The following DOCK3 variants were observed in gnomAD, a reference collection of about 807,000 sequenced individuals.
DOCK3 encodes dedicator of cytokinesis 3, also known as dedicator of cytokinesis protein 3.
DOCK3 carries 60 observed loss-of-function variants against 265.6 expected under a neutral mutation model. The observed-to-expected ratio is 0.23, with a 90% CI of 0.18 to 0.28. The LOEUF is 0.28. DOCK3 is among the 10% of genes least tolerant of loss of function. The pLI is 1.00. For missense variants in DOCK3, 1,981 were observed against 2,594.3 expected (o/e 0.76, Z 5.14); for synonymous variants, 881 against 938.0 (o/e 0.94, Z 1.11).
At chr3:50,720,029 C>G in intron 1 of DOCK3, 1 of 260,372 alleles carries the variant, frequency 3.8e-6, no homozygotes, top group South Asian at 5.3e-5. Flanking sequence ...TTCACTAATT[C>G]TGTGTTCTGC....
intron 2 of DOCK3, among the ~76,000 whole-genome samples, chr3:50,830,112 G>A (rs917830240): frequency 3.3e-5 from 5 of 152,094 alleles, no homozygotes; most frequent in African/African-American, 1.2e-4. Flanking sequence ...ACAAGTGATT[G>A]GCACATTGTT....
At chr3:51,240,158 T>G (rs2078543806) in intron 21 of DOCK3, among the ~76,000 whole-genome samples, 1 of 152,242 alleles carries the variant, frequency 6.6e-6, no homozygotes, top group African/African-American at 2.4e-5. Context: ...TTATTCTAAT[T>G]AGTTTCAAAG....
At chr3:51,154,881 G>A (rs543099282) in intron 10 of DOCK3, among the ~76,000 whole-genome samples, 12 of 152,318 alleles carry the variant, frequency 7.9e-5, no homozygotes, top group Admixed American at 3.3e-4. Flanking sequence ...TGCATGATGT[G>A]CTCTTGTTCT....
chr3:51,100,415 G>A (rs1314854138), intron 9 of DOCK3, among the ~76,000 whole-genome samples: 2 of 152,178 alleles, frequency 1.3e-5, no homozygotes, highest in Non-Finnish European at 2.9e-5. Context: ...ACCAAGAGAT[G>A]GAACCTGGGG....
chr3:50,874,040 G>GTGTTT (rs2047568833), intron 3 of DOCK3, among the ~76,000 whole-genome samples: 1 of 144,414 alleles, frequency 6.9e-6, no homozygotes, highest in East Asian at 2.1e-4. Context: ...TTTCATGAAG[G>GTGTTT]TGTTTTTTTT....
chr3:50,677,684 T>C (rs904791581), intron 1 of DOCK3, among the ~76,000 whole-genome samples: 1 of 152,202 alleles, frequency 6.6e-6, no homozygotes, highest in Non-Finnish European at 1.5e-5. Flanking sequence ...CTGATGTTAG[T>C]GAGGGAAGGA....
chr3:51,080,008 C>G (rs543183313), intron 7 of DOCK3, among the ~76,000 whole-genome samples: 1 of 152,316 alleles, frequency 6.6e-6, no homozygotes, highest in African/African-American at 2.4e-5. Context: ...AATGTTTATA[C>G]ATTCATTTCT....
At chr3:51,011,356 C>G (rs758804953) in intron 5 of DOCK3, among the ~76,000 whole-genome samples, 3 of 152,114 alleles carry the variant, frequency 2.0e-5, no homozygotes, top group African/African-American at 7.2e-5. Flanking sequence ...ATTCTCTTCT[C>G]GCTTCATTTC....
chr3:51,359,737 C>T lies in DOCK3; in HGVS notation c.4885-774C>T, dbSNP rs577139121. 6.6e-6 allele frequency among the ~76,000 whole-genome samples: 1 copy of T among 152,324 alleles called. No individual in the cohort carries two copies. The highest frequency in any genetic ancestry group is 2.4e-5 in the African/African-American group (1 of 41,570). ...TCCAGCTACAGAAATACATTTTAGC[C>T]CTCTGTATGCTTTGGAAGAAGCAGG... On this transcript the variant is annotated intron_variant, in intron 46 of 52. Transcript: ENST00000266037. The surrounding 1 kb of genome is among the most constrained non-coding windows in gnomAD (Gnocchi z 4.8).
intron 17 of DOCK3, among the ~76,000 whole-genome samples, chr3:51,228,378 C>T (rs1157089275): frequency 6.6e-6 from 1 of 152,218 alleles, no homozygotes; most frequent in Non-Finnish European, 1.5e-5. Context: ...CATTCTTAGA[C>T]CTGCTATTTG....
At chr3:51,303,846 A>G (rs558298797) in intron 27 of DOCK3, among the ~76,000 whole-genome samples, 1 of 152,182 alleles carries the variant, frequency 6.6e-6, no homozygotes, top group African/African-American at 2.4e-5. Context: ...ATGCTCCTAT[A>G]TAAGGTGTCT....
intron 4 of DOCK3, among the ~76,000 whole-genome samples, chr3:50,910,276 C>T (rs765675184): frequency 3.9e-5 from 6 of 152,024 alleles, no homozygotes; most frequent in Non-Finnish European, 8.8e-5. Flanking sequence ...AGAGGTATTG[C>T]AGTCATTTGG....
At chr3:51,267,373 GT>G (rs948430855) in intron 23 of DOCK3, among the ~76,000 whole-genome samples, 46 of 149,384 alleles carry the variant, frequency 3.1e-4, no homozygotes, top group African/African-American at 8.3e-4. Flanking sequence ...CGCACGTATG[GT>G]TTTTTTCTTT....
intron 27 of DOCK3, among the ~76,000 whole-genome samples, chr3:51,297,344 T>G (rs1360636599): frequency 2.6e-5 from 4 of 152,072 alleles, no homozygotes; most frequent in Admixed American, 1.3e-4. Flanking sequence ...TAAGTTAGAC[T>G]TCATCACACA....
intron 3 of DOCK3, among the ~76,000 whole-genome samples, chr3:50,855,880 C>T (rs780231552): frequency 6.6e-6 from 1 of 152,072 alleles, no homozygotes; most frequent in African/African-American, 2.4e-5. Context: ...TGTTTCCCCC[C>T]ATGTGTCCAT....
At chr3:50,856,825 C>T (rs528213167) in intron 3 of DOCK3, among the ~76,000 whole-genome samples, 1 of 151,968 alleles carries the variant, frequency 6.6e-6, no homozygotes, top group Admixed American at 6.6e-5. Context: ...GGTTTGTCAT[C>T]TATGGCTCTT....
At chr3:50,975,274 G>A (rs1212552172) in intron 5 of DOCK3, among the ~76,000 whole-genome samples, 2 of 151,038 alleles carry the variant, frequency 1.3e-5, no homozygotes, top group African/African-American at 4.9e-5. Flanking sequence ...ATTGGCTGTG[G>A]GTTTGTCATA....
chr3:50,777,317 C>T (rs1334183380), intron 1 of DOCK3, among the ~76,000 whole-genome samples: 2 of 152,130 alleles, frequency 1.3e-5, no homozygotes, highest in Admixed American at 1.3e-4. Flanking sequence ...CAGTATCATG[C>T]TGTTTTGGTA....
chr3:50,815,564 T>TA (rs1295376424), intron 2 of DOCK3, among the ~76,000 whole-genome samples: 1 of 152,200 alleles, frequency 6.6e-6, no homozygotes, highest in Non-Finnish European at 1.5e-5. Flanking sequence ...TTCTAATTTT[T>TA]ATCCTCTGGG....
Sources: allele counts gnomAD v4.1 joint callset (sites outside exome capture counted in the v4.1 genomes callset), GRCh38; gene constraint gnomAD v4.1.1; non-coding constraint Gnocchi (gnomAD v3.1); transcripts MANE v1.5; gene names NCBI Gene and HGNC (gene_info 2026-07-23, HGNC 2026-07-21).